Variants in COPS7A observed in about 807,000 individuals in gnomAD.
The protein encoded by COPS7A is COP9 signalosome subunit 7A, also known as COP9 signalosome complex subunit 7a.
In COPS7A, 20 loss-of-function variants were observed where a neutral mutation model predicts 35.2. That is an observed-to-expected ratio of 0.57 (90% CI 0.40 to 0.83). COPS7A has a LOEUF of 0.83. COPS7A is among the 40% of genes least tolerant of loss of function. COPS7A has a pLI of 0.00. For missense variants in COPS7A, 247 were observed against 347.5 expected, an observed-to-expected ratio of 0.71 and a Z score of 2.30; for synonymous variants, 139 against 141.4, an observed-to-expected ratio of 0.98 and a Z score of 0.12.
At chr12:6,728,031 A>G in intron 3 of COPS7A, 30 bp downstream of exon 3, 1 of 1,609,252 alleles carries the variant, frequency 6.2e-7, no homozygotes. Context: ...CTCTGGAGTA[A>G]TGGAGATGGG....
In COPS7A at chr12:6,729,075, G is replaced by T; in HGVS notation, c.328-172G>T. 1.6e-6 allele frequency: 1 copy of T among 622,142 alleles called. No individual in the cohort carries two copies. Among genetic ancestry groups the T allele is most frequent in the South Asian group, 1.9e-5 (1 of 51,366 alleles). The allele number at this position is 622,142 out of a possible 1,614,324, so 38.5% of individuals were successfully genotyped here. Reference sequence around the variant, plus strand: ...TCCTTCTAATGATGCTGTTTTTGAAGTGGGAATACTTTTATTTATTTTGCT... The same window carrying T: ...TCCTTCTAATGATGCTGTTTTTGAATTGGGAATACTTTTATTTATTTTGCT... On this transcript the variant is annotated intron_variant, in intron 4 of 7. Coordinates refer to ENST00000543155, the MANE Select transcript of COPS7A (RefSeq NM_001164094.2). This position sits in a 1 kb window ranked among gnomAD's most constrained non-coding sequence, Gnocchi z 4.2.
At position 6,731,021 on chromosome 12, in the gene COPS7A, T is replaced by A. The variant is rs763749330; in HGVS notation, c.810T>A (p.Ile270=). ...KGKGLRGSAK[I]WSKSN is the part of the protein sequence containing the mutation. Reference sequence around the variant, plus strand: ...CCAGGCTCCGAGGGAGCGCCAAGATTTGGTCCAAGTCGAATTGAAAGGACT... The same window carrying A: ...CCAGGCTCCGAGGGAGCGCCAAGATATGGTCCAAGTCGAATTGAAAGGACT... The change falls in exon 8 of 8, where the codon ATT becomes ATA. Residue 270 remains isoleucine, a synonymous_variant. Coordinates refer to ENST00000543155, the MANE Select transcript of COPS7A (RefSeq NM_001164094.2). 6.2e-7 allele frequency: 1 copy of A among 1,613,816 alleles called. No individual in the cohort carries two copies. The highest frequency in any genetic ancestry group is 1.3e-5 in the African/African-American group (1 of 74,880).
rs191462961 is a variant in COPS7A, at chr12:6,727,825, C to T, written c.163-101C>T. On this transcript the variant is annotated intron_variant, in intron 2 of 7. Transcript: ENST00000543155. Reference sequence around the variant, plus strand: ...GGTGAGCCAGGAGAGTTAACATTGGCCGGGAAAGATGGGGCCAAAAAGTGG... The same window carrying T: ...GGTGAGCCAGGAGAGTTAACATTGGTCGGGAAAGATGGGGCCAAAAAGTGG... 21 of 1,058,074 alleles carry T rather than the reference C, an allele frequency of 2.0e-5. No homozygotes were observed. The East Asian group carries it at 4.1e-4, about 20-fold the overall frequency. 65.5% of individuals were successfully genotyped at this position (1,058,074 alleles called of 1,614,324 possible).
chr12:6,731,362 G>T lies in COPS7A; in HGVS notation c.*323G>T. The T allele has an allele frequency of 2.9e-6, 4 of 1,381,778 alleles. No individual in the cohort carries two copies. The highest frequency in any genetic ancestry group is 1.5e-5 in the African/African-American group (1 of 68,852). The allele number at this position is 1,381,778 out of a possible 1,614,324, so 85.6% of individuals were successfully genotyped here. On this transcript the variant is annotated 3_prime_UTR_variant, in exon 8 of 8. Coordinates refer to ENST00000543155, the MANE Select transcript of COPS7A (RefSeq NM_001164094.2). ...TTGAGTAGGTGGGTAGCCCTGATGG[G>T]GGTCGCTCTGTCTGGAGCATAACCC...
At chr12:6,726,012 C>G (rs1941243649) in intron 2 of COPS7A, 1 of 422,048 alleles carries the variant, frequency 2.4e-6, no homozygotes, top group Non-Finnish European at 4.8e-6. Flanking sequence ...AGAATCCTGT[C>G]TCTGTTAAAA....
chr12:6,729,751 T>TA lies in COPS7A; in HGVS notation c.530+304dup, dbSNP rs1186616499. 1.3e-5 allele frequency among the ~76,000 whole-genome samples: 2 copies of TA among 152,244 alleles called. No homozygotes were observed. The highest frequency in any genetic ancestry group is 4.8e-5 in the African/African-American group (2 of 41,458). On this transcript the variant is annotated intron_variant, in intron 5 of 7. Coordinates refer to ENST00000543155, the MANE Select transcript of COPS7A (RefSeq NM_001164094.2). The surrounding 1 kb of genome is among the most constrained non-coding windows in gnomAD (Gnocchi z 4.2). The stretch of plus-strand genomic sequence containing the variant: ...AGGCTAGACTCTGTCGATTGATCTG[T>TA]AACTACCATTATCCACAGGCCATGA...
chr12:6,726,102 C>T (rs561042852), intron 2 of COPS7A: 2 of 352,514 alleles, frequency 5.7e-6, no homozygotes, highest in Non-Finnish European at 1.1e-5. Flanking sequence ...ATCATGAGGT[C>T]AGGAGATGGA....
chr12:6,730,299 G>A, intron 5 of COPS7A, 103 bp from the exon 6 acceptor site: 1 of 1,030,508 alleles, frequency 9.7e-7, no homozygotes, highest in Non-Finnish European at 1.5e-6. Flanking sequence ...TTATGGGGGT[G>A]AGCTACTGCG....
Position 6,731,352 on chromosome 12 carries a change from G to T in COPS7A, c.*313G>T, listed in dbSNP as rs1286668978. 3 of 1,397,900 alleles carry T rather than the reference G, an allele frequency of 2.1e-6. No homozygotes were observed. The highest frequency in any genetic ancestry group is 1.4e-5 in the African/African-American group (1 of 69,098). 86.6% of individuals were successfully genotyped at this position (1,397,900 alleles called of 1,614,324 possible). A position where few individuals can be genotyped will look rare whatever the true frequency, so the allele number is the denominator to read the frequency against. ...TTACATGTCATTGAGTAGGTGGGTAGCCCTGATGGGGGTCGCTCTGTCTGG... is the reference window on the plus strand; with the variant it reads ...TTACATGTCATTGAGTAGGTGGGTATCCCTGATGGGGGTCGCTCTGTCTGG... On this transcript the variant is annotated 3_prime_UTR_variant, in exon 8 of 8. Coordinates refer to ENST00000543155, the MANE Select transcript of COPS7A (RefSeq NM_001164094.2).
chr12:6,730,926 G>A (rs753589620), intron 7 of COPS7A, 74 bp from the exon 8 acceptor site: 30 of 1,584,532 alleles, frequency 1.9e-5, no homozygotes, highest in Non-Finnish European at 2.6e-5. Context: ...AGTAGGGAGT[G>A]GGGGAGCCTC....
In COPS7A at chr12:6,730,680, T is replaced by TA; in HGVS notation, c.655dup (p.Thr219AsnfsTer3). The TA allele has an allele frequency of 1.9e-6, 3 of 1,613,942 alleles. No individual in the cohort carries two copies. Among genetic ancestry groups the TA allele is most frequent in the South Asian group, 1.1e-5 (1 of 91,074 alleles). On this transcript the variant is annotated frameshift_variant, in exon 7 of 8. Transcript: ENST00000543155. LOFTEE classifies it high-confidence loss of function. Reference sequence around the variant, plus strand: ...TTTCATCCTGGTAGGTTGCCAACCTTAAAAAAACCATTAAAGTTACGACGG... The same window carrying TA: ...TTTCATCCTGGTAGGTTGCCAACCTTAAAAAAAACCATTAAAGTTACGACGG...
chr12:6,729,108 C>G lies in COPS7A; in HGVS notation c.328-139C>G. ...ACTTTTATTTATTTTGCTTTAGAAC[C>G]AGCCTCTTAGAGGAAGTGATTTAGG... is the stretch of plus-strand genomic sequence containing the variant. On this transcript the variant is annotated intron_variant, in intron 4 of 7. Coordinates refer to ENST00000543155, the MANE Select transcript of COPS7A (RefSeq NM_001164094.2). This position sits in a 1 kb window ranked among gnomAD's most constrained non-coding sequence, Gnocchi z 4.2. The G allele has an allele frequency of 1.3e-6, 1 of 742,436 alleles. No homozygotes were observed. 46.0% of individuals were successfully genotyped at this position (742,436 alleles called of 1,614,324 possible). A position where few individuals can be genotyped will look rare whatever the true frequency, so the allele number is the denominator to read the frequency against.
chr12:6,727,336 CAAA>C (rs11411867), intron 2 of COPS7A, among the ~76,000 whole-genome samples: 2 of 88,072 alleles, frequency 2.3e-5, no homozygotes, highest in Non-Finnish European at 4.3e-5. Flanking sequence ...GACTCTGTCT[CAAA>C]AAAAAAAAAA....
At position 6,731,155 on chromosome 12, in the gene COPS7A, C is replaced by T. The variant is rs1278727782; in HGVS notation, c.*116C>T. The stretch of plus-strand genomic sequence containing the variant: ...AGCTGATAATCCTAGGTTCATGACC[C>T]TTCACCTCCCCTAACCCCAAACATA... On this transcript the variant is annotated 3_prime_UTR_variant, in exon 8 of 8. Coordinates refer to ENST00000543155, the MANE Select transcript of COPS7A (RefSeq NM_001164094.2). 1 of 1,596,194 alleles carries T rather than the reference C, an allele frequency of 6.3e-7. No homozygotes were observed. The highest frequency in any genetic ancestry group is 8.5e-7 in the Non-Finnish European group (1 of 1,170,538).
In COPS7A at chr12:6,729,133, G is replaced by C; in HGVS notation, c.328-114G>C. ...CAGCCTCTTAGAGGAAGTGATTTAGGAATGGGAGTGGAGGGCAGGTGGGCT... is the reference window on the plus strand; with the variant it reads ...CAGCCTCTTAGAGGAAGTGATTTAGCAATGGGAGTGGAGGGCAGGTGGGCT... On this transcript the variant is annotated intron_variant, in intron 4 of 7. Coordinates refer to ENST00000543155, the MANE Select transcript of COPS7A (RefSeq NM_001164094.2). This position sits in a 1 kb window ranked among gnomAD's most constrained non-coding sequence, Gnocchi z 4.2. The C allele has an allele frequency of 1.0e-6, 1 of 967,482 alleles. No individual in the cohort carries two copies. Among genetic ancestry groups the C allele is most frequent in the East Asian group, 2.4e-5 (1 of 41,242 alleles). The allele number at this position is 967,482 out of a possible 1,614,324, so 59.9% of individuals were successfully genotyped here.
rs777322285 is a variant in COPS7A at position 6,724,865 on chromosome 12, T to C, written c.162+47T>C. ...CCCTCAGAGAAGCGTGGGCAAAGGT[T>C]TGAATTTGAGAATGGGTGGGCAGGG... On this transcript the variant is annotated intron_variant, in intron 2 of 7. Coordinates refer to ENST00000543155, the MANE Select transcript of COPS7A (RefSeq NM_001164094.2). 2.1e-5 allele frequency: 33 copies of C among 1,599,858 alleles called. 1 individual carries two copies. In the South Asian group the frequency reaches 3.1e-4, roughly 15 times the overall value.
At chr12:6,730,636 T>C in intron 6 of COPS7A, 33 bp from the exon 7 acceptor site, 1 of 1,613,430 alleles carries the variant, frequency 6.2e-7, no homozygotes, top group Non-Finnish European at 8.5e-7. Flanking sequence ...TCTGGAACCT[T>C]CCTTGCTATC....
Position 6,724,738 on chromosome 12 carries a change from GC to G in COPS7A, c.84del (p.Thr29HisfsTer51), listed in dbSNP as rs1565465586. On this transcript the variant is annotated frameshift_variant, in exon 2 of 8. Transcript: ENST00000543155. LOFTEE classifies it high-confidence loss of function. ...LAKSAKGAALATLIHQVLEAP... is the reference protein window; with the variant it reads ...LAKSAKGAALXTLIHQVLEAP... ...CAAGTCGGCCAAGGGGGCAGCGCTGGCCACACTCATCCATCAGGTGCTGGAG... is the reference window on the plus strand; with the variant it reads ...CAAGTCGGCCAAGGGGGCAGCGCTGGCACACTCATCCATCAGGTGCTGGAG... 6.2e-7 allele frequency: 1 copy of G among 1,614,188 alleles called. No individual in the cohort carries two copies. The highest frequency in any genetic ancestry group is 1.7e-5 in the Admixed American group (1 of 60,016).
rs185733598 is a variant in COPS7A, at chr12:6,729,815, A to G, written c.530+366A>G. Among the ~76,000 whole-genome samples the G allele has an allele frequency of 2.6e-5, 4 of 152,174 alleles. No homozygotes were observed. The East Asian group carries it at 7.7e-4, about 29-fold the overall frequency. Reference sequence around the variant, plus strand: ...TTTTATTTTCTTTGTGTCCCCATCTAACTTCAGGGTTTCTGTATTCATTAA... The same window carrying G: ...TTTTATTTTCTTTGTGTCCCCATCTGACTTCAGGGTTTCTGTATTCATTAA... On this transcript the variant is annotated intron_variant, in intron 5 of 7. Coordinates refer to ENST00000543155, the MANE Select transcript of COPS7A (RefSeq NM_001164094.2). The surrounding 1 kb of genome is among the most constrained non-coding windows in gnomAD (Gnocchi z 4.2).
Sources: allele counts gnomAD v4.1 joint callset (sites outside exome capture counted in the v4.1 genomes callset), GRCh38; gene constraint gnomAD v4.1.1; non-coding constraint Gnocchi (gnomAD v3.1); transcripts MANE v1.5; gene names NCBI Gene and HGNC (gene_info 2026-07-23, HGNC 2026-07-21).